SP100: variants seen among roughly 807,000 people sequenced by gnomAD.
SP100 encodes nuclear autoantigen Sp-100.
Under a neutral mutation model 130.0 loss-of-function variants are expected in SP100, and 84 were observed. The ratio of observed to expected loss-of-function variants is 0.65; its 90% confidence interval spans 0.54 to 0.77. SP100 has a LOEUF of 0.77. Ranked by LOEUF, SP100 falls within the 30% of genes least tolerant of loss-of-function variation. SP100 has a pLI of 0.00. For missense variants in SP100, 978 were observed against 1,052.2 expected, an observed-to-expected ratio of 0.93 and a Z score of 0.97; for synonymous variants, 331 against 351.7, an observed-to-expected ratio of 0.94 and a Z score of 0.66.
At chr2:230,444,580 T>C (rs1422864397) in intron 4 of SP100, among the ~76,000 whole-genome samples, 1 of 152,200 alleles carries the variant, frequency 6.6e-6, no homozygotes, top group African/African-American at 2.4e-5. Flanking sequence ...AGAGCCACAC[T>C]GGCATCAGAT....
At position 230,475,358 on chromosome 2, in the gene SP100, T is replaced by C. The variant is rs141880081; in HGVS notation, c.1600+911T>C. ...TCTTCTTTTGAGAAGTGTCTGTTCA[T>C]GTCCTTTGCCCATTTTTTAATTGGA... On this transcript the variant is annotated intron_variant, in intron 17 of 28. Coordinates refer to ENST00000340126, the MANE Select transcript of SP100 (RefSeq NM_001080391.2). Among the ~76,000 whole-genome samples, 37 of 152,330 alleles carry C rather than the reference T, an allele frequency of 2.4e-4. No individual in the cohort carries two copies. The East Asian group carries it at 6.9e-3, about 29-fold the overall frequency.
At position 230,450,245 on chromosome 2, in the gene SP100, T is replaced by C. The variant is rs141343607; in HGVS notation, c.810T>C (p.Cys270=). 4.7e-5 allele frequency: 75 copies of C among 1,612,456 alleles called. No individual in the cohort carries two copies. In the African/African-American group the frequency reaches 9.9e-4, roughly 21 times the overall value. Residue 270 remains cysteine, a synonymous_variant, in exon 8 of 29, where the codon TGT becomes TGC. Coordinates refer to ENST00000340126, the MANE Select transcript of SP100 (RefSeq NM_001080391.2). ...GGGAGATGCCCTGCCCGTTGCCCTG[T>C]GATGAAGAAAGTAATTATTGCTTAC... ...AGREMPCPLP[C]DEESPEAELH... is the part of the protein sequence containing the mutation.
At chr2:230,498,895 GTAAT>G (rs745805228) in intron 19 of SP100, among the ~76,000 whole-genome samples, 4 of 152,198 alleles carry the variant, frequency 2.6e-5, no homozygotes, top group Non-Finnish European at 5.9e-5. Flanking sequence ...TCACCACGTG[GTAAT>G]TGTGTGGACT....
At chr2:230,484,037 T>C (rs571840659) in intron 17 of SP100, among the ~76,000 whole-genome samples, 1 of 152,322 alleles carries the variant, frequency 6.6e-6, no homozygotes, top group African/African-American at 2.4e-5. Flanking sequence ...GTACTTTCTG[T>C]CCCACGTCAC....
chr2:230,473,755 T>C (rs569780722), intron 16 of SP100, among the ~76,000 whole-genome samples: 80 of 152,224 alleles, frequency 5.3e-4, no homozygotes, highest in Non-Finnish European at 1.2e-4. Context: ...TATAAAGCCA[T>C]ATTTAACAGA....
chr2:230,463,906 A>G (rs1006886279), intron 10 of SP100, 161 bp from the exon 11 acceptor site: 8 of 545,674 alleles, frequency 1.5e-5, no homozygotes, highest in East Asian at 6.2e-5. Flanking sequence ...CTAACCCACA[A>G]TGAAGGTTAG....
chr2:230,481,227 TCTC>T (rs1218294495), intron 17 of SP100, among the ~76,000 whole-genome samples: 3 of 152,172 alleles, frequency 2.0e-5, no homozygotes, highest in Non-Finnish European at 4.4e-5. Flanking sequence ...TTCTTCTCTC[TCTC>T]CTCAACTGCG....
intron 17 of SP100, among the ~76,000 whole-genome samples, chr2:230,475,220 A>G (rs1356293277): frequency 6.6e-6 from 1 of 152,132 alleles, no homozygotes; most frequent in African/African-American, 2.4e-5. Context: ...TGACTTTTTA[A>G]TAATAGCCAC....
intron 2 of SP100, among the ~76,000 whole-genome samples, chr2:230,437,772 G>C (rs1286139769): frequency 6.6e-6 from 1 of 151,990 alleles, no homozygotes; most frequent in Non-Finnish European, 1.5e-5. Flanking sequence ...TGGTCAGGCT[G>C]GTCTTGAACT....
intron 2 of SP100, among the ~76,000 whole-genome samples, chr2:230,436,987 T>TATATATGTGTATACACACAC (rs1559486832): frequency 3.2e-5 from 4 of 125,124 alleles, no homozygotes; most frequent in African/African-American, 1.3e-4. Flanking sequence ...TACACACACA[T>TATATATGTGTATACACACAC]ATATATGTGT....
chr2:230,503,079 C>A lies in SP100; in HGVS notation c.1734C>A (p.Asn578Lys). 6.2e-7 allele frequency: 1 copy of A among 1,603,790 alleles called. No homozygotes were observed. The highest frequency in any genetic ancestry group is 8.5e-7 in the Non-Finnish European group (1 of 1,173,346). Residue 578 changes from asparagine (N) to lysine (K), a missense_variant, in exon 20 of 29, where the codon AAC (asparagine) becomes AAA (lysine). Coordinates refer to ENST00000340126, the MANE Select transcript of SP100 (RefSeq NM_001080391.2). ...CAACTTTCTCAGGAAGAAAAGCCAA[C>A]ACTAGACCTTTGAAAAGAAGAAGAA... ...KRWQQRGRKA[N>K]TRPLKRRRKR...
intron 2 of SP100, among the ~76,000 whole-genome samples, chr2:230,433,319 G>A (rs2063151089): frequency 6.6e-6 from 1 of 152,074 alleles, no homozygotes; most frequent in African/African-American, 2.4e-5. Flanking sequence ...AAAACCTAAG[G>A]ATTTATTTCT....
At chr2:230,477,345 T>C (rs1214920029) in intron 17 of SP100, among the ~76,000 whole-genome samples, 1 of 152,178 alleles carries the variant, frequency 6.6e-6, no homozygotes, top group Non-Finnish European at 1.5e-5. Flanking sequence ...TTTTATGTAG[T>C]CAAATTTGTC....
At chr2:230,499,075 G>T (rs1678158) in intron 19 of SP100, among the ~76,000 whole-genome samples, 1 of 151,948 alleles carries the variant, frequency 6.6e-6, no homozygotes, top group East Asian at 1.9e-4. Context: ...CCCCTCTCCC[G>T]CATCATCAGC....
intron 8 of SP100, among the ~76,000 whole-genome samples, chr2:230,460,781 G>A (rs1268778188): frequency 1.5e-5 from 1 of 65,318 alleles, no homozygotes; most frequent in Admixed American, 1.3e-4. Flanking sequence ...CCGCCACCGC[G>A]CCCGGCTAAT....
At position 230,465,398 on chromosome 2, in the gene SP100, C is replaced by CA. The variant is rs201813064; in HGVS notation, c.1142-895dup. Among the ~76,000 whole-genome samples, 37 of 151,388 alleles carry CA rather than the reference C, an allele frequency of 2.4e-4. No individual in the cohort carries two copies. In the East Asian group the frequency reaches 6.4e-3, roughly 26 times the overall value. ...TGGGTGACAGAGTGAGACCCTGTCT[C>CA]AAAAAAAATAAGTAAAAAAGAACGA... is the stretch of plus-strand genomic sequence containing the variant. On this transcript the variant is annotated intron_variant, in intron 11 of 28. Coordinates refer to ENST00000340126, the MANE Select transcript of SP100 (RefSeq NM_001080391.2).
At chr2:230,532,692 G>T (rs1026588827) in intron 24 of SP100, among the ~76,000 whole-genome samples, 1 of 152,194 alleles carries the variant, frequency 6.6e-6, no homozygotes, top group East Asian at 1.9e-4. Flanking sequence ...TGTCAGTATT[G>T]TAACTGATTA....
intron 24 of SP100, among the ~76,000 whole-genome samples, chr2:230,526,362 C>G (rs760704986): frequency 2.8e-4 from 43 of 152,234 alleles, no homozygotes; most frequent in Middle Eastern, 6.8e-3. Context: ...AAAGGAATAG[C>G]AAAAATATCA....
At chr2:230,458,874 G>A (rs919890347) in intron 8 of SP100, among the ~76,000 whole-genome samples, 8 of 152,162 alleles carry the variant, frequency 5.3e-5, no homozygotes, top group African/African-American at 1.2e-4. Flanking sequence ...CAGAGGTAAC[G>A]TTAATAATTA....
Sources: gnomAD v4.1 joint callset for allele counts (sites outside exome capture counted in the v4.1 genomes callset) on GRCh38, gnomAD v4.1.1 for gene constraint, MANE v1.5 for transcripts, NCBI Gene and HGNC (gene_info 2026-07-23, HGNC 2026-07-21) for gene names.